ARHGAP5: variants seen among roughly 807,000 people sequenced by gnomAD.
ARHGAP5 encodes Rho GTPase activating protein 5.
Under a neutral mutation model 116.6 loss-of-function variants are expected in ARHGAP5, and 23 were observed. The observed-to-expected ratio is 0.20, with a 90% CI of 0.14 to 0.28. ARHGAP5 has a LOEUF of 0.28. ARHGAP5 is among the 10% of genes least tolerant of loss of function. The pLI, the probability that ARHGAP5 is intolerant of heterozygous loss-of-function variation, is 1.00. For synonymous variants in ARHGAP5, 574 were observed against 602.0 expected (o/e 0.95, Z 0.68); for missense variants, 1,405 against 1,774.8 (o/e 0.79, Z 3.74).
chr14:32,115,175 T>C (rs1205572933), intron 2 of ARHGAP5, among the ~76,000 whole-genome samples: 2 of 152,168 alleles, frequency 1.3e-5, no homozygotes, highest in Non-Finnish European at 2.9e-5. Flanking sequence ...CTCTAGAGAG[T>C]GAATCAGAAT....
At chr14:32,078,332 T>G (rs1451452008) in intron 1 of ARHGAP5, 2 of 152,138 alleles carry the variant, frequency 1.3e-5, no homozygotes, top group African/African-American at 4.8e-5. Context: ...TTTAGTAAAA[T>G]CCCGAAAAAG....
At chr14:32,129,955 T>C (rs558043950) in intron 3 of ARHGAP5, among the ~76,000 whole-genome samples, 6 of 152,212 alleles carry the variant, frequency 3.9e-5, no homozygotes, top group Admixed American at 2.6e-4. Context: ...ATACCAGTAC[T>C]TTTGGGAAGC....
At chr14:32,142,941 T>G (rs1881194173) in intron 3 of ARHGAP5, among the ~76,000 whole-genome samples, 3 of 152,168 alleles carry the variant, frequency 2.0e-5, no homozygotes, top group African/African-American at 7.2e-5. Flanking sequence ...ATGGACACAT[T>G]TATCAAATTT....
Position 32,092,865 on chromosome 14 carries a change from A to G in ARHGAP5, c.2196A>G (p.Val732=). The G allele has an allele frequency of 6.2e-7, 1 of 1,614,042 alleles. No individual in the cohort carries two copies. The highest frequency in any genetic ancestry group is 8.5e-7 in the Non-Finnish European group (1 of 1,179,934). Residue 732 remains valine, a synonymous_variant, in exon 2 of 7, where the codon GTA becomes GTG. Coordinates refer to ENST00000345122, the MANE Select transcript of ARHGAP5 (RefSeq NM_001030055.2). This position sits in a 1 kb window ranked among gnomAD's most constrained non-coding sequence, Gnocchi z 4.1. ...AGTTGCAATGTCCTTTTGTAGATGT[A>G]CCTGCTGGTACATATCCTCGTAAAT... ...ANKLQCPFVD[V]PAGTYPRKFN... is the part of the protein sequence containing the mutation.
chr14:32,152,335 CTG>C lies in ARHGAP5; in HGVS notation c.4076-86_4076-85del, dbSNP rs570981633. On this transcript the variant is annotated intron_variant, in intron 5 of 6. Transcript: ENST00000345122. ...TAATATGCTTTAAACACATTCTTGACTGTTATAGTAAATATAGCAGGAAGCTT... is the reference window on the plus strand; with the variant it reads ...TAATATGCTTTAAACACATTCTTGACTTATAGTAAATATAGCAGGAAGCTT... 1.4e-3 allele frequency: 1,227 copies of C among 875,772 alleles called. 30 individuals carry two copies. The South Asian group carries it at 0.019, about 13-fold the overall frequency. 54.3% of individuals were successfully genotyped at this position (875,772 alleles called of 1,614,324 possible). A position where few individuals can be genotyped will look rare whatever the true frequency, so the allele number is the denominator to read the frequency against.
intron 3 of ARHGAP5, among the ~76,000 whole-genome samples, chr14:32,131,572 T>G (rs1194269270): frequency 6.6e-6 from 1 of 151,684 alleles, no homozygotes; most frequent in African/African-American, 2.4e-5. Flanking sequence ...TTTGTTTTTG[T>G]TTTTGTTTTT....
At chr14:32,110,211 A>T (rs1275731610) in intron 2 of ARHGAP5, among the ~76,000 whole-genome samples, 2 of 145,502 alleles carry the variant, frequency 1.4e-5, no homozygotes, top group African/African-American at 5.0e-5. Context: ...TGGGGAGATA[A>T]AAAAAAAAAA....
intron 5 of ARHGAP5, among the ~76,000 whole-genome samples, chr14:32,150,755 T>C (rs1452380616): frequency 6.6e-6 from 1 of 152,182 alleles, no homozygotes; most frequent in South Asian, 2.1e-4. Flanking sequence ...ACAAGAACTT[T>C]GGGGGAAACA....
At chr14:32,150,575 C>A (rs897370907) in intron 5 of ARHGAP5, among the ~76,000 whole-genome samples, 3 of 152,148 alleles carry the variant, frequency 2.0e-5, no homozygotes, top group Admixed American at 6.5e-5. Flanking sequence ...GAGTAAGAGA[C>A]AAGAAGGGGG....
chr14:32,106,894 C>T (rs1028599458), intron 2 of ARHGAP5, among the ~76,000 whole-genome samples: 17 of 152,154 alleles, frequency 1.1e-4, no homozygotes, highest in Admixed American at 9.2e-4. Context: ...ATAGTAGGCA[C>T]CCAAATGTTT....
chr14:32,081,170 G>GTA lies in ARHGAP5; in HGVS notation c.-169+3739_-169+3740dup, dbSNP rs572077348. ...AAGCATGACACTTTAAGAATTTGAG[G>GTA]TATATTTAGGGAAGTACATACTGAT... On this transcript the variant is annotated intron_variant, in intron 1 of 6. Transcript: ENST00000345122. Among the ~76,000 whole-genome samples the GTA allele has an allele frequency of 1.5e-4, 23 of 152,162 alleles. No homozygotes were observed. The East Asian group carries it at 3.7e-3, about 24-fold the overall frequency.
chr14:32,087,843 T>G (rs2139007986), intron 1 of ARHGAP5, among the ~76,000 whole-genome samples: 1 of 152,154 alleles, frequency 6.6e-6, no homozygotes, highest in South Asian at 2.1e-4. Flanking sequence ...ATTGCCACTG[T>G]CAAATTAATT....
At chr14:32,118,670 C>A (rs1879728101) in intron 3 of ARHGAP5, among the ~76,000 whole-genome samples, 1 of 152,030 alleles carries the variant, frequency 6.6e-6, no homozygotes, top group Non-Finnish European at 1.5e-5. Flanking sequence ...AGAAAAATTT[C>A]TTGTCTATAT....
rs762994955 is a variant in ARHGAP5 at position 32,093,079 on chromosome 14, T to A, written c.2410T>A (p.Ser804Thr). The change falls in exon 2 of 7, where the codon TCT (serine) becomes ACT (threonine). Residue 804 changes from serine (S) to threonine (T), a missense_variant. This residue lies in a region of ARHGAP5 where 944 missense variants were observed against 1,095.3 expected (regional missense o/e 0.86). Transcript: ENST00000345122. ...TCTTTCACCCTTCCTTGATTCTCAT[T>A]CTTGCAGTGCTGCTCAAGCTGGACA... Reference protein sequence around the residue: ...LILSPFLDSHSCSAAQAGQNN... With the variant: ...LILSPFLDSHTCSAAQAGQNN... The A allele has an allele frequency of 1.2e-6, 2 of 1,613,992 alleles. No homozygotes were observed. The highest frequency in any genetic ancestry group is 1.7e-6 in the Non-Finnish European group (2 of 1,179,948).
In ARHGAP5 at chr14:32,092,146, A is replaced by G; in HGVS notation, c.1477A>G (p.Met493Val). 16 of 1,613,848 alleles carry G rather than the reference A, an allele frequency of 9.9e-6. No individual in the cohort carries two copies. The highest frequency in any genetic ancestry group is 1.4e-5 in the Non-Finnish European group (16 of 1,179,798). The change falls in exon 2 of 7, where the codon ATG becomes GTG. Residue 493 changes from methionine to valine, a missense_variant. Coordinates refer to ENST00000345122, the MANE Select transcript of ARHGAP5 (RefSeq NM_001030055.2). This position sits in a 1 kb window ranked among gnomAD's most constrained non-coding sequence, Gnocchi z 4.1. ...AAAAGCCAAAGAAGAGTTTCAAGAA[A>G]TGCTTTTTGAGCATTCTGAACTTTT... ...VEKAKEEFQE[M>V]LFEHSELFYD...
chr14:32,090,635 T>C lies in ARHGAP5; in HGVS notation c.-35T>C. On this transcript the variant is annotated 5_prime_UTR_variant, in exon 2 of 7. Transcript: ENST00000345122. ...TTTCAGAATGAGAAGCATATCTGGT[T>C]ACCTTTATGAATGTAGAGACATGAG... 8.0e-6 allele frequency: 12 copies of C among 1,503,984 alleles called. No homozygotes were observed. The highest frequency in any genetic ancestry group is 1.1e-5 in the Non-Finnish European group (12 of 1,117,566). The allele number at this position is 1,503,984 out of a possible 1,614,324, so 93.2% of individuals were successfully genotyped here. A position where few individuals can be genotyped will look rare whatever the true frequency, so the allele number is the denominator to read the frequency against.
chr14:32,107,819 T>A (rs1307119568), intron 2 of ARHGAP5, among the ~76,000 whole-genome samples: 1 of 152,236 alleles, frequency 6.6e-6, no homozygotes, highest in Non-Finnish European at 1.5e-5. Context: ...ATGAGTCTGG[T>A]ACTCAGAGGA....
rs1266730219 is a variant in ARHGAP5, at chr14:32,146,334, G to A, written c.3937G>A (p.Asp1313Asn). 6.2e-7 allele frequency: 1 copy of A among 1,609,450 alleles called. No homozygotes were observed. The highest frequency in any genetic ancestry group is 1.3e-5 in the African/African-American group (1 of 74,946). Residue 1313 changes from aspartate to asparagine, a missense_variant, in exon 4 of 7, where the codon GAT becomes AAT. This residue lies in a region of ARHGAP5 where 176 missense variants were observed against 221.2 expected (regional missense o/e 0.80). Coordinates refer to ENST00000345122, the MANE Select transcript of ARHGAP5 (RefSeq NM_001030055.2). The stretch of plus-strand genomic sequence containing the variant: ...CCAAGACAATATTCAAAAGCAGTTT[G>A]ATCAAGGTAAGAAGATGATTATGTG... ...TDQDNIQKQFDQDHNINLVSM... is the reference protein window; with the variant it reads ...TDQDNIQKQFNQDHNINLVSM...
At chr14:32,079,598 G>A (rs2041751845) in intron 1 of ARHGAP5, among the ~76,000 whole-genome samples, 1 of 151,920 alleles carries the variant, frequency 6.6e-6, no homozygotes, top group Non-Finnish European at 1.5e-5. Flanking sequence ...TTCCTTTTTT[G>A]GATTTGAAGT....
Sources: gnomAD v4.1 joint callset for allele counts (sites outside exome capture counted in the v4.1 genomes callset) on GRCh38, gnomAD v4.1.1 for gene constraint, gnomAD v4.1.1 regional missense constraint, Gnocchi (gnomAD v3.1) non-coding constraint, MANE v1.5 for transcripts, NCBI Gene and HGNC (gene_info 2026-07-23, HGNC 2026-07-21) for gene names.